Variants in L3MBTL4 observed in about 807,000 individuals in gnomAD.
The protein encoded by L3MBTL4 is L3MBTL histone methyl-lysine binding protein 4, also known as lethal(3)malignant brain tumor-like protein 4.
In L3MBTL4, 70 loss-of-function variants were observed where a neutral mutation model predicts 84.5. The observed-to-expected ratio is 0.83, with a 90% confidence interval of 0.68 to 1.01. The LOEUF is 1.01. Ranked by LOEUF, L3MBTL4 falls within the 50% of genes least tolerant of loss-of-function variation. The probability of loss-of-function intolerance (pLI) is 0.00; values close to 1 mark genes in which losing one functional copy is unlikely to be tolerated. For missense variants in L3MBTL4, 715 were observed against 754.8 expected, an observed-to-expected ratio of 0.95 and a Z score of 0.62; for synonymous variants, 274 against 259.8, an observed-to-expected ratio of 1.05 and a Z score of -0.52.
At chr18:6,395,452 G>T (rs1244823928) in intron 1 of L3MBTL4, 4 of 152,048 alleles carry the variant, frequency 2.6e-5, no homozygotes, top group Admixed American at 2.0e-4. Flanking sequence ...ACATATAAAG[G>T]GGGGGAACAA....
chr18:6,322,081 G>T, intron 1 of L3MBTL4, among the ~76,000 whole-genome samples: 1 of 152,044 alleles, frequency 6.6e-6, no homozygotes, highest in East Asian at 1.9e-4. Flanking sequence ...ATAAGGATGG[G>T]CATGGTGGCT....
rs1037117645 is a variant in L3MBTL4 at position 6,137,603 on chromosome 18, A to G, written c.1199+591T>C. On this transcript the variant is annotated intron_variant, in intron 14 of 18. Transcript: ENST00000317931. ...ATTTATATATGTTTCTAGATCACCA[A>G]TATAAATAATTTATCTATACATTAT... is the stretch of plus-strand genomic sequence containing the variant. Among the ~76,000 whole-genome samples the G allele has an allele frequency of 2.6e-5, 4 of 152,346 alleles. No homozygotes were observed. In the East Asian group the frequency reaches 7.7e-4, roughly 29 times the overall value.
chr18:6,212,375 A>C (rs2046146381), intron 12 of L3MBTL4, among the ~76,000 whole-genome samples: 1 of 152,232 alleles, frequency 6.6e-6, no homozygotes, highest in Admixed American at 6.5e-5. Context: ...CTATCTTTTA[A>C]GTTAGTGCCT....
chr18:6,119,806 T>C (rs1323964180), intron 14 of L3MBTL4, among the ~76,000 whole-genome samples: 1 of 152,142 alleles, frequency 6.6e-6, no homozygotes, highest in African/African-American at 2.4e-5. Flanking sequence ...AGAAAAAACA[T>C]TTCTCTACCC....
Position 6,414,764 on chromosome 18 carries a change from C to G in L3MBTL4, c.-91+37G>C, listed in dbSNP as rs1411271204. ...GCGGCCGTGGGCACCCACGCGGGCT[C>G]GCGACCATCCCACGCGGGCGGCGGC... is the stretch of plus-strand genomic sequence containing the variant. On this transcript the variant is annotated intron_variant, in intron 1 of 18. Transcript: ENST00000317931. This position sits in a 1 kb window ranked among gnomAD's most constrained non-coding sequence, Gnocchi z 5.4. 6.6e-6 allele frequency: 1 copy of G among 151,660 alleles called. No homozygotes were observed. Among genetic ancestry groups the G allele is most frequent in the Non-Finnish European group, 1.5e-5 (1 of 67,944 alleles). 9.4% of individuals were successfully genotyped at this position (151,660 alleles called of 1,614,324 possible). A position where few individuals can be genotyped will look rare whatever the true frequency, so the allele number is the denominator to read the frequency against.
At chr18:6,232,458 T>C (rs1477563206) in intron 10 of L3MBTL4, among the ~76,000 whole-genome samples, 1 of 151,894 alleles carries the variant, frequency 6.6e-6, no homozygotes, top group Admixed American at 6.6e-5. Flanking sequence ...TGAGAGGGAG[T>C]GGTACTGGTT....
chr18:6,326,989 C>G lies in L3MBTL4; in HGVS notation c.-90-14933G>C, dbSNP rs139672614. ...GAAAATAACTGTAAAAGAATACAGG[C>G]AACACTTAGAAAAAGGAAAAATAAT... is the stretch of plus-strand genomic sequence containing the variant. On this transcript the variant is annotated intron_variant, in intron 1 of 18. Coordinates refer to ENST00000317931, the MANE Select transcript of L3MBTL4 (RefSeq NM_001330559.2). 1.1e-3 allele frequency among the ~76,000 whole-genome samples: 171 copies of G among 152,140 alleles called. 1 individual carries two copies. The highest frequency in any genetic ancestry group is 3.9e-3 in the African/African-American group (161 of 41,488).
intron 13 of L3MBTL4, among the ~76,000 whole-genome samples, chr18:6,151,313 T>C (rs1233730842): frequency 1.3e-5 from 2 of 152,212 alleles, no homozygotes; most frequent in Non-Finnish European, 2.9e-5. Context: ...AAATTCAAGG[T>C]TTGTAACTTG....
chr18:5,979,630 A>AT (rs1236300385), intron 16 of L3MBTL4, among the ~76,000 whole-genome samples: 2 of 152,096 alleles, frequency 1.3e-5, no homozygotes, highest in East Asian at 1.9e-4. Flanking sequence ...CACCAGGGGC[A>AT]TTTTTTTCCT....
intron 16 of L3MBTL4, among the ~76,000 whole-genome samples, chr18:6,055,468 C>A (rs554922180): frequency 6.6e-6 from 1 of 152,002 alleles, no homozygotes; most frequent in Non-Finnish European, 1.5e-5. Context: ...AAGTTTTCTT[C>A]GATAGTATGT....
At chr18:6,389,688 CA>C (rs2144500691) in intron 1 of L3MBTL4, among the ~76,000 whole-genome samples, 1 of 152,148 alleles carries the variant, frequency 6.6e-6, no homozygotes, top group Non-Finnish European at 1.5e-5. Flanking sequence ...AAAGCAATAG[CA>C]GTTAAAAAAG....
At chr18:6,360,730 C>G (rs1450623226) in intron 1 of L3MBTL4, among the ~76,000 whole-genome samples, 1 of 152,068 alleles carries the variant, frequency 6.6e-6, no homozygotes, top group African/African-American at 2.4e-5. Flanking sequence ...TAGCTCACGC[C>G]TGTAAACCCA....
chr18:5,996,872 G>A (rs961921023), intron 16 of L3MBTL4, among the ~76,000 whole-genome samples: 2 of 152,066 alleles, frequency 1.3e-5, no homozygotes, highest in Non-Finnish European at 2.9e-5. Context: ...AGGAAATGAA[G>A]CTAAAACCAC....
chr18:6,334,074 G>A (rs1469767098), intron 1 of L3MBTL4, among the ~76,000 whole-genome samples: 1 of 152,196 alleles, frequency 6.6e-6, no homozygotes. Context: ...TTGCAGTGCT[G>A]CTAACCAGGT....
chr18:6,219,251 A>AG (rs1436015600), intron 10 of L3MBTL4, among the ~76,000 whole-genome samples: 1 of 151,914 alleles, frequency 6.6e-6, no homozygotes, highest in African/African-American at 2.4e-5. Flanking sequence ...CTGAAAACCC[A>AG]GCGCATCCAT....
At chr18:6,319,254 G>A (rs921454425) in intron 1 of L3MBTL4, among the ~76,000 whole-genome samples, 1 of 151,854 alleles carries the variant, frequency 6.6e-6, no homozygotes, top group Non-Finnish European at 1.5e-5. Context: ...GCTAGCAGAA[G>A]AAATGACAAA....
At chr18:6,207,025 C>T (rs2045904532) in intron 12 of L3MBTL4, among the ~76,000 whole-genome samples, 1 of 152,172 alleles carries the variant, frequency 6.6e-6, no homozygotes, top group Admixed American at 6.5e-5. Context: ...CAAAAAGACC[C>T]TTATTACCAC....
At chr18:6,054,289 T>A (rs1170405031) in intron 16 of L3MBTL4, among the ~76,000 whole-genome samples, 1 of 152,026 alleles carries the variant, frequency 6.6e-6, no homozygotes, top group Non-Finnish European at 1.5e-5. Flanking sequence ...CCGGCTCGCA[T>A]TAGGAGGCAG....
intron 14 of L3MBTL4, among the ~76,000 whole-genome samples, chr18:6,128,601 T>G (rs140569727): frequency 6.6e-6 from 1 of 152,264 alleles, no homozygotes; most frequent in African/African-American, 2.4e-5. Flanking sequence ...AATGATGCCT[T>G]CAATATTCTG....
Sources: allele counts gnomAD v4.1 joint callset (sites outside exome capture counted in the v4.1 genomes callset), GRCh38; gene constraint gnomAD v4.1.1; non-coding constraint Gnocchi (gnomAD v3.1); transcripts MANE v1.5; gene names NCBI Gene and HGNC (gene_info 2026-07-23, HGNC 2026-07-21).